MACC1: variants seen among roughly 807,000 people sequenced by gnomAD.
The protein encoded by MACC1 is MET transcriptional regulator MACC1.
Under a neutral mutation model 70.7 loss-of-function variants are expected in MACC1, and 79 were observed. The ratio of observed to expected loss-of-function variants is 1.12; its 90% confidence interval spans 0.93 to 1.35. The LOEUF is 1.35. MACC1 is among the 40% of genes most tolerant of loss of function. The probability of loss-of-function intolerance (pLI) is 0.00; values close to 1 mark genes in which losing one functional copy is unlikely to be tolerated. For missense variants in MACC1, 1,106 were observed against 978.1 expected (o/e 1.13, Z -1.74); for synonymous variants, 361 against 347.2 (o/e 1.04, Z -0.44).
At chr7:20,212,592 C>T (rs540063186) in intron 1 of MACC1, among the ~76,000 whole-genome samples, 8 of 152,130 alleles carry the variant, frequency 5.3e-5, no homozygotes, top group Non-Finnish European at 8.8e-5. Context: ...GAGGAACATA[C>T]TTGTCTCCTC....
intron 1 of MACC1, among the ~76,000 whole-genome samples, chr7:20,193,782 C>CTTT (rs66625746): frequency 1.2e-3 from 164 of 142,516 alleles, no homozygotes; most frequent in South Asian, 8.9e-3. Flanking sequence ...TCTATTCCTT[C>CTTT]TTTTTTTTTT....
chr7:20,161,506 A>T (rs1366102667), intron 4 of MACC1, among the ~76,000 whole-genome samples: 3 of 151,984 alleles, frequency 2.0e-5, no homozygotes, highest in Non-Finnish European at 2.9e-5. Context: ...CCCCAAATTC[A>T]TTATAGTTAT....
chr7:20,193,171 T>C (rs960797764), intron 1 of MACC1, among the ~76,000 whole-genome samples: 1 of 152,220 alleles, frequency 6.6e-6, no homozygotes, highest in Non-Finnish European at 1.5e-5. Context: ...GGGACAGCTA[T>C]GTTTATAAAA....
rs552528304 is a variant in MACC1, at chr7:20,140,968, A to T, written c.2537T>A (p.Phe846Tyr). The change falls in exon 7 of 7, where the codon TTC becomes TAC. Residue 846 changes from phenylalanine (F) to tyrosine (Y), a missense_variant. Physicochemically the swap from Phe to Tyr is conservative, Grantham distance 22. Transcript: ENST00000400331. The part of the protein sequence containing the change: ...NSLEVLRVTA[F>Y]STSEEV Reference sequence around the variant, plus strand: ...TTTCTATACTTCCTCAGAAGTGGAGAATGCAGTTACTCTCAAAACCTCCAA... The same window carrying T: ...TTTCTATACTTCCTCAGAAGTGGAGTATGCAGTTACTCTCAAAACCTCCAA... 40 of 1,613,204 alleles carry T rather than the reference A, an allele frequency of 2.5e-5. No homozygotes were observed. In the East Asian group the frequency reaches 7.6e-4, roughly 31 times the overall value.
intron 6 of MACC1, among the ~76,000 whole-genome samples, chr7:20,144,309 A>G (rs1472811085): frequency 6.6e-6 from 1 of 152,200 alleles, no homozygotes; most frequent in Non-Finnish European, 1.5e-5. Context: ...GGGATGAAAT[A>G]GGATGTGATA....
At chr7:20,217,028 G>T (rs1284896166) in intron 1 of MACC1, among the ~76,000 whole-genome samples, 1 of 152,052 alleles carries the variant, frequency 6.6e-6, no homozygotes, top group Non-Finnish European at 1.5e-5. Flanking sequence ...GCCTTTGATG[G>T]TTAATGTGAC....
intron 6 of MACC1, among the ~76,000 whole-genome samples, chr7:20,150,770 A>G (rs1449398395): frequency 1.3e-5 from 2 of 152,174 alleles, no homozygotes; most frequent in East Asian, 1.9e-4. Context: ...AAGTGAGGCC[A>G]GAGTGGTGGC....
At chr7:20,192,884 T>C (rs1782693568) in intron 1 of MACC1, among the ~76,000 whole-genome samples, 1 of 152,212 alleles carries the variant, frequency 6.6e-6, no homozygotes, top group South Asian at 2.1e-4. Flanking sequence ...AATTGAAAAG[T>C]ACTACAGGAT....
chr7:20,169,066 C>T (rs1782262955), intron 2 of MACC1, among the ~76,000 whole-genome samples: 1 of 152,212 alleles, frequency 6.6e-6, no homozygotes, highest in South Asian at 2.1e-4. Context: ...AGTTTTGTTA[C>T]TGCTCCCACA....
chr7:20,151,006 C>T (rs886609063), intron 6 of MACC1, among the ~76,000 whole-genome samples: 2 of 151,260 alleles, frequency 1.3e-5, no homozygotes, highest in Admixed American at 1.3e-4. Flanking sequence ...TGAGATTGTG[C>T]CATTGCACTC....
At chr7:20,215,064 C>T (rs1404370193) in intron 1 of MACC1, among the ~76,000 whole-genome samples, 1 of 148,524 alleles carries the variant, frequency 6.7e-6, no homozygotes, top group African/African-American at 2.5e-5. Flanking sequence ...CTGAATGACT[C>T]ATATACATCT....
Position 20,140,303 on chromosome 7 carries a change from A to C in MACC1, c.*643T>G, listed in dbSNP as rs939484095. 2 of 152,236 alleles carry C rather than the reference A, an allele frequency of 1.3e-5. No individual in the cohort carries two copies. Among genetic ancestry groups the C allele is most frequent in the African/African-American group, 4.8e-5 (2 of 41,466 alleles). 9.4% of individuals were successfully genotyped at this position (152,236 alleles called of 1,614,324 possible). A position where few individuals can be genotyped will look rare whatever the true frequency, so the allele number is the denominator to read the frequency against. The stretch of plus-strand genomic sequence containing the variant: ...AAAAGAAATAGAAACAGGTTTTTCA[A>C]GCAGAAAACCTACTTTGTACTGGCT... On this transcript the variant is annotated 3_prime_UTR_variant, in exon 7 of 7. Transcript: ENST00000400331.
chr7:20,204,631 A>G (rs553526620), intron 1 of MACC1, among the ~76,000 whole-genome samples: 5 of 152,352 alleles, frequency 3.3e-5, no homozygotes, highest in African/African-American at 1.2e-4. Flanking sequence ...TGAAACACCA[A>G]TGATCGAAAA....
At chr7:20,190,378 T>C (rs998836155) in intron 1 of MACC1, among the ~76,000 whole-genome samples, 2 of 152,098 alleles carry the variant, frequency 1.3e-5, no homozygotes, top group East Asian at 3.8e-4. Flanking sequence ...TAATCATTTA[T>C]TTTTTTAGCA....
intron 1 of MACC1, among the ~76,000 whole-genome samples, chr7:20,196,267 G>T (rs1053206934): frequency 4.6e-5 from 7 of 152,034 alleles, no homozygotes; most frequent in Admixed American, 2.0e-4. Flanking sequence ...TGCAAGCTCC[G>T]CCTCCTGGGT....
chr7:20,141,191 G>A, intron 6 of MACC1, 33 bp from the exon 7 acceptor site: 6 of 1,428,884 alleles, frequency 4.2e-6, no homozygotes, highest in Non-Finnish European at 5.7e-6. Context: ...GGAGTAGTGT[G>A]GAAGTAGAAA....
chr7:20,157,104 A>G (rs979951442), intron 5 of MACC1, among the ~76,000 whole-genome samples: 2 of 152,188 alleles, frequency 1.3e-5, no homozygotes, highest in Non-Finnish European at 2.9e-5. Flanking sequence ...CAAATTGTCT[A>G]ACTTTTTAAG....
At chr7:20,161,092 T>G (rs535823656) in intron 4 of MACC1, among the ~76,000 whole-genome samples, 1 of 152,104 alleles carries the variant, frequency 6.6e-6, no homozygotes, top group Non-Finnish European at 1.5e-5. Flanking sequence ...TGAAGCCATT[T>G]TTTGTTTGTG....
rs531296276 is a variant in MACC1, at chr7:20,149,155, A to T, written c.2346+5038T>A. Among the ~76,000 whole-genome samples the T allele has an allele frequency of 2.6e-5, 4 of 152,306 alleles. No individual in the cohort carries two copies. In the East Asian group the frequency reaches 7.7e-4, roughly 29 times the overall value. On this transcript the variant is annotated intron_variant, in intron 6 of 6. Transcript: ENST00000400331. ...CCATAAGAAATAAGCTGATCAGCCA[A>T]GACTTTATCTCATTTTTTTCCATGC...
Sources: gnomAD v4.1 joint callset for allele counts (sites outside exome capture counted in the v4.1 genomes callset) on GRCh38, gnomAD v4.1.1 for gene constraint, MANE v1.5 for transcripts, NCBI Gene and HGNC (gene_info 2026-07-23, HGNC 2026-07-21) for gene names.